The following POFUT3 variants were observed in gnomAD, a reference collection of about 807,000 sequenced individuals.
POFUT3 encodes the protein protein O-fucosyltransferase 3.
At chr8:33,470,294 T>TA in the POFUT3 span, among the ~76,000 whole-genome samples, 1 of 147,814 alleles carries the variant, frequency 6.8e-6, no homozygotes, top group African/African-American at 2.5e-5. Flanking sequence ...TGTGCACCTG[T>TA]AGTCATAGTC....
At chr8:33,345,098 G>A in the POFUT3 span, among the ~76,000 whole-genome samples, 1 of 152,196 alleles carries the variant, frequency 6.6e-6, no homozygotes, top group East Asian at 1.9e-4. Flanking sequence ...ATTTCTTATG[G>A]ACTAAAATTG....
chr8:33,380,199 A>G, the POFUT3 span, among the ~76,000 whole-genome samples: 1 of 62,472 alleles, frequency 1.6e-5, no homozygotes, highest in Admixed American at 2.5e-4. Flanking sequence ...CTATATATAT[A>G]TACTATATAT....
chr8:33,411,730 G>A, the POFUT3 span, among the ~76,000 whole-genome samples: 1 of 152,216 alleles, frequency 6.6e-6, no homozygotes, highest in Non-Finnish European at 1.5e-5. Context: ...GGAGGTTGCA[G>A]TGAGCCGAGA....
At chr8:33,315,229 C>T in the POFUT3 span, among the ~76,000 whole-genome samples, 65,322 of 151,978 alleles carry the variant, frequency 0.43, 15,798 homozygotes, top group East Asian at 0.8. Context: ...TGTGTCCTTG[C>T]TCATCTAATT....
the POFUT3 span, among the ~76,000 whole-genome samples, chr8:33,420,611 T>G: frequency 1.3e-5 from 2 of 152,140 alleles, no homozygotes; most frequent in African/African-American, 4.8e-5. Flanking sequence ...TAGATAGATT[T>G]GGGGGGAGCA....
At chr8:33,314,338 C>G in the POFUT3 span, among the ~76,000 whole-genome samples, 1 of 152,154 alleles carries the variant, frequency 6.6e-6, no homozygotes, top group Non-Finnish European at 1.5e-5. Context: ...TCTCTAATAT[C>G]CACTCCCAAG....
At chr8:33,316,271 T>C in the POFUT3 span, among the ~76,000 whole-genome samples, 2 of 152,094 alleles carry the variant, frequency 1.3e-5, no homozygotes, top group Non-Finnish European at 2.9e-5. Context: ...CCTAAGATTC[T>C]CTATGCAAGG....
the POFUT3 span, among the ~76,000 whole-genome samples, chr8:33,414,229 C>T: frequency 4.6e-5 from 7 of 152,100 alleles, no homozygotes. Flanking sequence ...CTGAGAGCAA[C>T]TCCGAGATTG....
chr8:33,461,183 AAGGAAGGAAGGGAGGGAGGGAGGG>A, the POFUT3 span, among the ~76,000 whole-genome samples: 16 of 39,800 alleles, frequency 4.0e-4, no homozygotes, highest in South Asian at 1.8e-3. Flanking sequence ...GGAAGGAAGG[AAGGAAGGAAGGGAGGGAGGGAGGG>A]AGGGAGGGAG....
the POFUT3 span, among the ~76,000 whole-genome samples, chr8:33,362,187 T>G: frequency 1.3e-5 from 2 of 152,114 alleles, no homozygotes; most frequent in South Asian, 4.1e-4. Context: ...AAGTGAAGGA[T>G]AAATAAAGTC....
chr8:33,324,846 T>A, the POFUT3 span, among the ~76,000 whole-genome samples: 54 of 152,170 alleles, frequency 3.5e-4, 1 homozygote, highest in East Asian at 2.3e-3. Context: ...CCAGTCACTT[T>A]CAAATTATTA....
At chr8:33,380,039 CGATATATAT>C in the POFUT3 span, among the ~76,000 whole-genome samples, 67 of 56,194 alleles carry the variant, frequency 1.2e-3, 4 homozygotes, top group Non-Finnish European at 1.7e-3. Context: ...TATATATATA[CGATATATAT>C]ACACTATATA....
the POFUT3 span, among the ~76,000 whole-genome samples, chr8:33,313,511 T>C: frequency 1.3e-5 from 2 of 152,066 alleles, no homozygotes; most frequent in Admixed American, 1.3e-4. Context: ...TCTCTGAATA[T>C]GGTGCACAGA....
the POFUT3 span, among the ~76,000 whole-genome samples, chr8:33,417,963 C>CA: frequency 6.6e-6 from 1 of 152,284 alleles, no homozygotes; most frequent in South Asian, 2.1e-4. Flanking sequence ...CAGCACCTCA[C>CA]CCTCACGTGC....
At chr8:33,471,309 G>A in the POFUT3 span, among the ~76,000 whole-genome samples, 2 of 152,026 alleles carry the variant, frequency 1.3e-5, no homozygotes, top group East Asian at 1.9e-4. Flanking sequence ...GTGCAGTGGC[G>A]CAGTCTTGGC....
the POFUT3 span, among the ~76,000 whole-genome samples, chr8:33,402,737 A>T: frequency 3.9e-5 from 6 of 152,222 alleles, no homozygotes; most frequent in Non-Finnish European, 8.8e-5. Context: ...AGCAAAGGAC[A>T]TAAATATTTT....
the POFUT3 span, among the ~76,000 whole-genome samples, chr8:33,449,637 A>G: frequency 1.3e-5 from 2 of 151,928 alleles, no homozygotes; most frequent in Non-Finnish European, 2.9e-5. Context: ...CTGACTCCTC[A>G]ACACCATCCT....
the POFUT3 span, among the ~76,000 whole-genome samples, chr8:33,454,256 A>T: frequency 1.3e-5 from 2 of 152,226 alleles, no homozygotes; most frequent in Non-Finnish European, 2.9e-5. Flanking sequence ...TGAAGACTCT[A>T]GGAGAGAAGC....
chr8:33,381,857 G>A, the POFUT3 span, among the ~76,000 whole-genome samples: 4 of 152,114 alleles, frequency 2.6e-5, no homozygotes, highest in Admixed American at 2.6e-4. Context: ...AGTGCACAAA[G>A]CTTATTCCTT....
Sources: gnomAD v4.1 joint callset for allele counts (sites outside exome capture counted in the v4.1 genomes callset) on GRCh38, gnomAD v4.1.1 for gene constraint, MANE v1.5 for transcripts, NCBI Gene and HGNC (gene_info 2026-07-23, HGNC 2026-07-21) for gene names.